Variants in PRDM10 observed in about 807,000 individuals in gnomAD.
PRDM10 encodes PR domain zinc finger protein 10.
A neutral mutation model predicts 133.1 loss-of-function variants in PRDM10; 65 were observed. The ratio of observed to expected loss-of-function variants is 0.49; its 90% CI spans 0.40 to 0.60. The LOEUF is 0.60. Ranked by LOEUF, PRDM10 falls within the 20% of genes least tolerant of loss-of-function variation. The pLI, the probability that PRDM10 is intolerant of heterozygous loss-of-function variation, is 0.00. For missense variants in PRDM10, 1,137 were observed against 1,507.1 expected (o/e 0.75, Z 4.07); for synonymous variants, 582 against 580.4 (o/e 1.00, Z -0.04).
At chr11:129,978,893 T>C (rs983633818) in intron 1 of PRDM10, among the ~76,000 whole-genome samples, 1 of 152,106 alleles carries the variant, frequency 6.6e-6, no homozygotes, top group Non-Finnish European at 1.5e-5. Context: ...GATCCTCCCA[T>C]CCCATTTGAG....
intron 1 of PRDM10, among the ~76,000 whole-genome samples, chr11:129,971,195 G>A (rs747189410): frequency 9.2e-5 from 14 of 152,142 alleles, no homozygotes; most frequent in Admixed American, 2.0e-4. Context: ...AAGAGCAGTA[G>A]CAAAATATAT....
Position 129,945,130 on chromosome 11 carries a change from C to CA in PRDM10, c.521-119_521-118insT. On this transcript the variant is annotated intron_variant, in intron 5 of 20. Transcript: ENST00000360871. This position sits in a 1 kb window ranked among gnomAD's most constrained non-coding sequence, Gnocchi z 4.2. Reference sequence around the variant, plus strand: ...CATTTTCAAGCCAAAATTCAATGAACTCCTAATGGCGCTACCCATTCAACG... The same window carrying CA: ...CATTTTCAAGCCAAAATTCAATGAACATCCTAATGGCGCTACCCATTCAACG... 1 of 1,240,746 alleles carries CA rather than the reference C, an allele frequency of 8.1e-7. No homozygotes were observed. The highest frequency in any genetic ancestry group is 1.3e-5 in the South Asian group (1 of 74,550). 76.9% of individuals were successfully genotyped at this position (1,240,746 alleles called of 1,614,324 possible). A position where few individuals can be genotyped will look rare whatever the true frequency, so the allele number is the denominator to read the frequency against.
chr11:129,914,650 T>A (rs1565454969), intron 17 of PRDM10, 54 bp downstream of exon 17: 2 of 1,597,098 alleles, frequency 1.3e-6, no homozygotes, highest in East Asian at 2.2e-5. Flanking sequence ...GAGAATGAGG[T>A]GCTAGTGGCA....
chr11:129,937,522 T>A (rs899472061), intron 8 of PRDM10, 76 bp downstream of exon 8: 12 of 1,355,922 alleles, frequency 8.9e-6, no homozygotes, highest in South Asian at 6.9e-5. Flanking sequence ...AAAAAAAAAA[T>A]TAGAGGTTTC....
At chr11:129,910,370 A>C in intron 19 of PRDM10, 106 bp downstream of exon 19, 12 of 1,442,620 alleles carry the variant, frequency 8.3e-6, no homozygotes, top group African/African-American at 1.4e-5. Context: ...AGTGTAAACA[A>C]TGGCCAAGAG....
chr11:129,989,210 G>A (rs1024198980), intron 1 of PRDM10, among the ~76,000 whole-genome samples: 1 of 152,030 alleles, frequency 6.6e-6, no homozygotes, highest in African/African-American at 2.4e-5. Flanking sequence ...GAGGCTGAGG[G>A]GGGATGATGG....
Position 129,927,363 on chromosome 11 carries a change from G to A in PRDM10, c.1531-2134C>T, listed in dbSNP as rs575764957. Among the ~76,000 whole-genome samples the A allele has an allele frequency of 3.9e-5, 6 of 152,204 alleles. No homozygotes were observed. The East Asian group carries it at 1.2e-3, about 29-fold the overall frequency. ...ACTTTCAAAACTTTACGGAAATATT[G>A]CTGATGAACCAATACTATTGTGAGG... On this transcript the variant is annotated intron_variant, in intron 11 of 20. Transcript: ENST00000360871.
intron 1 of PRDM10, among the ~76,000 whole-genome samples, chr11:129,961,602 G>A (rs1012074978): frequency 3.4e-5 from 5 of 148,080 alleles, no homozygotes; most frequent in African/African-American, 9.9e-5. Flanking sequence ...CACCACACCC[G>A]GCCAATCCCA....
chr11:129,944,441 C>T (rs538323208), intron 6 of PRDM10, among the ~76,000 whole-genome samples: 21 of 151,946 alleles, frequency 1.4e-4, no homozygotes, highest in Admixed American at 1.0e-3. Flanking sequence ...AGAAATTAGC[C>T]GGGCGTGGTG....
chr11:129,990,935 A>G (rs1314330815), intron 1 of PRDM10, among the ~76,000 whole-genome samples: 6 of 152,200 alleles, frequency 3.9e-5, no homozygotes, highest in Admixed American at 6.5e-5. Flanking sequence ...ACTGGCATAT[A>G]ATGAAGACCT....
chr11:129,932,892 A>G (rs1454664954), intron 9 of PRDM10, among the ~76,000 whole-genome samples: 1 of 152,118 alleles, frequency 6.6e-6, no homozygotes, highest in African/African-American at 2.4e-5. Flanking sequence ...CAGCGTCCCA[A>G]GTAGCTGGGA....
chr11:129,959,770 C>T (rs1362347671), intron 2 of PRDM10, among the ~76,000 whole-genome samples: 1 of 152,034 alleles, frequency 6.6e-6, no homozygotes, highest in African/African-American at 2.4e-5. Flanking sequence ...AGTAATCAGA[C>T]TAAGACTTTA....
intron 20 of PRDM10, among the ~76,000 whole-genome samples, 178 bp from the exon 21 acceptor site, chr11:129,902,694 G>C (rs1949880056): frequency 6.6e-6 from 1 of 152,114 alleles, no homozygotes; most frequent in South Asian, 2.1e-4. Flanking sequence ...TGACGACAAA[G>C]ATAAGCTCCT....
intron 1 of PRDM10, among the ~76,000 whole-genome samples, chr11:129,983,769 G>A (rs1403154506): frequency 6.6e-6 from 1 of 151,600 alleles, no homozygotes; most frequent in African/African-American, 2.4e-5. Flanking sequence ...TCCTAAGTAT[G>A]GCACTAGACT....
intron 1 of PRDM10, among the ~76,000 whole-genome samples, chr11:129,974,675 T>C (rs1270304564): frequency 2.6e-5 from 4 of 152,234 alleles, no homozygotes; most frequent in Non-Finnish European, 2.9e-5. Context: ...GACCAGGATA[T>C]GGGGACACTT....
chr11:129,914,674 A>G (rs756510238), intron 17 of PRDM10, 30 bp downstream of exon 17: 2 of 1,613,228 alleles, frequency 1.2e-6, no homozygotes, highest in South Asian at 2.2e-5. Flanking sequence ...CGGCATTCAT[A>G]AGGCAAAGGG....
intron 1 of PRDM10, among the ~76,000 whole-genome samples, chr11:129,993,182 T>C (rs1169626769): frequency 1.3e-5 from 2 of 152,224 alleles, no homozygotes; most frequent in Non-Finnish European, 2.9e-5. Flanking sequence ...ATTTCCTTCA[T>C]TAACATGGTT....
chr11:129,986,496 T>C (rs531653463), intron 1 of PRDM10, among the ~76,000 whole-genome samples: 1 of 152,282 alleles, frequency 6.6e-6, no homozygotes, highest in East Asian at 1.9e-4. Flanking sequence ...TTCAAGCAAT[T>C]GAACCTCAGA....
rs57429782 is a variant in PRDM10, at chr11:129,923,643, T to TGAGA, written c.1879-244_1879-241dup. 0.14 allele frequency among the ~76,000 whole-genome samples: 9,296 copies of TGAGA among 65,640 alleles called. 1,760 individuals carry two copies. The highest frequency in any genetic ancestry group is 0.16 in the African/African-American group (2,032 of 12,788). The allele number at this position is 65,640 out of a possible 152,430, so 43.1% of individuals were successfully genotyped here. On this transcript the variant is annotated intron_variant, in intron 12 of 20. Coordinates refer to ENST00000360871, the MANE Select transcript of PRDM10 (RefSeq NM_199437.2). This position sits in a 1 kb window ranked among gnomAD's most constrained non-coding sequence, Gnocchi z 4.4. The stretch of plus-strand genomic sequence containing the variant: ...CGAACCTCCCCGATGACTTGAAACG[T>TGAGA]GAGAGAGAGAGAGAGAGAGAGAGAG...
Sources: gnomAD v4.1 joint callset for allele counts (sites outside exome capture counted in the v4.1 genomes callset) on GRCh38, gnomAD v4.1.1 for gene constraint, Gnocchi (gnomAD v3.1) non-coding constraint, MANE v1.5 for transcripts, NCBI Gene and HGNC (gene_info 2026-07-23, HGNC 2026-07-21) for gene names.